The following ERBB4 variants were observed in gnomAD, a reference collection of about 807,000 sequenced individuals.
ERBB4 encodes erb-b2 receptor tyrosine kinase 4.
Under a neutral mutation model 158.0 loss-of-function variants are expected in ERBB4, and 42 were observed. The ratio of observed to expected loss-of-function variants is 0.27; its 90% CI spans 0.21 to 0.34. The LOEUF is 0.34. Ranked by LOEUF, ERBB4 falls within the 10% of genes least tolerant of loss-of-function variation. The pLI is 1.00. For synonymous variants in ERBB4, 583 were observed against 558.7 expected (o/e 1.04, Z -0.61); for missense variants, 1,333 against 1,624.1 (o/e 0.82, Z 3.08).
intron 2 of ERBB4, among the ~76,000 whole-genome samples, chr2:212,074,913 A>C (rs577699073): frequency 2.6e-5 from 4 of 152,052 alleles, no homozygotes; most frequent in Admixed American, 2.6e-4. Flanking sequence ...ACCTTGTTTA[A>C]AATTTGCTGG....
chr2:211,491,021 C>T (rs2065328311), intron 20 of ERBB4, among the ~76,000 whole-genome samples: 1 of 152,036 alleles, frequency 6.6e-6, no homozygotes, highest in Non-Finnish European at 1.5e-5. Flanking sequence ...CTGCTAGGAT[C>T]CTAATGCGAT....
intron 2 of ERBB4, among the ~76,000 whole-genome samples, chr2:212,063,160 T>C (rs1222552763): frequency 2.0e-5 from 3 of 152,184 alleles, no homozygotes; most frequent in Admixed American, 6.5e-5. Flanking sequence ...GGAAGTTAGG[T>C]ATCAAATCTA....
intron 1 of ERBB4, among the ~76,000 whole-genome samples, chr2:212,191,973 G>A (rs1172628906): frequency 4.2e-5 from 4 of 95,364 alleles, no homozygotes; most frequent in East Asian, 5.6e-4. Flanking sequence ...TATGTTATAT[G>A]TTATATATGT....
intron 1 of ERBB4, among the ~76,000 whole-genome samples, chr2:212,259,704 T>C (rs564245789): frequency 6.6e-6 from 1 of 152,316 alleles, no homozygotes; most frequent in African/African-American, 2.4e-5. Context: ...AGTAATACTA[T>C]TCCTCTATTT....
intron 12 of ERBB4, among the ~76,000 whole-genome samples, chr2:211,697,220 G>T (rs911670200): frequency 4.6e-5 from 7 of 152,154 alleles, no homozygotes; most frequent in Non-Finnish European, 7.3e-5. Context: ...TAGCTGATTT[G>T]TTAGCTGATC....
At chr2:212,177,323 C>T (rs1393780881) in intron 1 of ERBB4, among the ~76,000 whole-genome samples, 4 of 151,732 alleles carry the variant, frequency 2.6e-5, no homozygotes, top group African/African-American at 7.3e-5. Context: ...GTGCCTATTA[C>T]ACTGTAAACC....
chr2:212,359,943 C>T (rs762296954), intron 1 of ERBB4, among the ~76,000 whole-genome samples: 2 of 151,082 alleles, frequency 1.3e-5, no homozygotes, highest in Non-Finnish European at 3.0e-5. Flanking sequence ...TGAAGTCAAA[C>T]GTGTAACTTT....
At position 211,381,189 on chromosome 2, in the gene ERBB4, C is replaced by T; in HGVS notation, c.*2426G>A. 4.3e-6 allele frequency: 1 copy of T among 232,344 alleles called. No individual in the cohort carries two copies. The highest frequency in any genetic ancestry group is 8.5e-6 in the Non-Finnish European group (1 of 117,550). The allele number at this position is 232,344 out of a possible 1,614,324, so 14.4% of individuals were successfully genotyped here. A position where few individuals can be genotyped will look rare whatever the true frequency, so the allele number is the denominator to read the frequency against. ...TTCACTAGAAGGAATCTCACAAACC[C>T]TTCTCCTGCTCTACCATACTTTTTC... On this transcript the variant is annotated 3_prime_UTR_variant, in exon 28 of 28. Coordinates refer to ENST00000342788, the MANE Select transcript of ERBB4 (RefSeq NM_005235.3).
chr2:212,263,017 A>G (rs10191397), intron 1 of ERBB4, among the ~76,000 whole-genome samples: 10,733 of 152,174 alleles, frequency 0.071, 1,222 homozygotes, highest in African/African-American at 0.24. Context: ...AAAGTTCATG[A>G]TAAGACCACA....
intron 19 of ERBB4, among the ~76,000 whole-genome samples, chr2:211,580,824 T>TATATAGATTATA (rs1491111562): frequency 7.4e-5 from 1 of 13,482 alleles, no homozygotes; most frequent in African/African-American, 1.0e-4. Flanking sequence ...TATATATATA[T>TATATAGATTATA]TATATATATA....
intron 19 of ERBB4, among the ~76,000 whole-genome samples, chr2:211,588,400 C>G (rs1489835737): frequency 6.6e-6 from 1 of 151,922 alleles, no homozygotes; most frequent in East Asian, 1.9e-4. Flanking sequence ...ATGCTTGGAA[C>G]AAATGAGGAT....
chr2:211,500,459 T>C (rs985960227), intron 20 of ERBB4, among the ~76,000 whole-genome samples: 1 of 152,100 alleles, frequency 6.6e-6, no homozygotes, highest in Non-Finnish European at 1.5e-5. Context: ...ATTTAAACTT[T>C]CATGTATTAA....
intron 19 of ERBB4, among the ~76,000 whole-genome samples, chr2:211,617,157 TC>T (rs1267157129): frequency 6.6e-6 from 1 of 152,074 alleles, no homozygotes; most frequent in Admixed American, 6.6e-5. Flanking sequence ...CTTTTGCCAG[TC>T]TGTTTCCATG....
At chr2:212,152,976 A>T (rs1283431806) in intron 1 of ERBB4, among the ~76,000 whole-genome samples, 1 of 152,196 alleles carries the variant, frequency 6.6e-6, no homozygotes, top group East Asian at 1.9e-4. Flanking sequence ...TCACGGGAAC[A>T]GGTCCCAGCA....
intron 1 of ERBB4, among the ~76,000 whole-genome samples, chr2:212,310,163 T>C (rs1454287298): frequency 6.6e-6 from 1 of 150,734 alleles, no homozygotes; most frequent in Non-Finnish European, 1.5e-5. Flanking sequence ...TTATCAAATC[T>C]AAAATTAGAA....
intron 3 of ERBB4, among the ~76,000 whole-genome samples, chr2:211,800,192 C>A (rs1005114027): frequency 5.9e-5 from 9 of 152,118 alleles, no homozygotes; most frequent in African/African-American, 1.9e-4. Context: ...TGCCTGGCTC[C>A]ACAGCCCCAT....
At chr2:212,052,820 C>T (rs1392354583) in intron 2 of ERBB4, among the ~76,000 whole-genome samples, 1 of 152,182 alleles carries the variant, frequency 6.6e-6, no homozygotes, top group African/African-American at 2.4e-5. Context: ...AGTGACATTT[C>T]TTCTCCTGCT....
chr2:211,390,196 A>G (rs925343718), intron 25 of ERBB4, among the ~76,000 whole-genome samples: 5 of 152,220 alleles, frequency 3.3e-5, no homozygotes, highest in African/African-American at 1.2e-4. Context: ...TATTTAACAA[A>G]TATTTACTAA....
rs145304408 is a variant in ERBB4 at position 212,372,786 on chromosome 2, C to T, written c.82+165663G>A. 1.6e-4 allele frequency among the ~76,000 whole-genome samples: 24 copies of T among 152,194 alleles called. No homozygotes were observed. The East Asian group carries it at 4.6e-3, about 29-fold the overall frequency. Reference sequence around the variant, plus strand: ...AAAACAAAACAAAACAAAAGCCTGACCACATCTTTTGAGCTATGTCCAGCT... The same window carrying T: ...AAAACAAAACAAAACAAAAGCCTGATCACATCTTTTGAGCTATGTCCAGCT... On this transcript the variant is annotated intron_variant, in intron 1 of 27. Coordinates refer to ENST00000342788, the MANE Select transcript of ERBB4 (RefSeq NM_005235.3).
Sources: gnomAD v4.1 joint callset for allele counts (sites outside exome capture counted in the v4.1 genomes callset) on GRCh38, gnomAD v4.1.1 for gene constraint, MANE v1.5 for transcripts, NCBI Gene and HGNC (gene_info 2026-07-23, HGNC 2026-07-21) for gene names.